SRSF3: variants seen among roughly 807,000 people sequenced by gnomAD.
SRSF3 encodes the protein serine/arginine-rich splicing factor 3.
For synonymous variants in SRSF3, 87 were observed against 73.6 expected (o/e 1.18, Z -0.93); for missense variants, 58 against 217.1 (o/e 0.27, Z 4.61).
chr6:36,595,943 G>C (rs1467258488), intron 1 of SRSF3, among the ~76,000 whole-genome samples: 5 of 150,998 alleles, frequency 3.3e-5, no homozygotes, highest in African/African-American at 1.2e-4. Flanking sequence ...TTTTTTTTTG[G>C]CGATGGAATC....
At chr6:36,595,478 A>G (rs1018147383) in intron 1 of SRSF3, among the ~76,000 whole-genome samples, 1 of 152,172 alleles carries the variant, frequency 6.6e-6, no homozygotes, top group African/African-American at 2.4e-5. Flanking sequence ...ACTACTACCC[A>G]TTGAGCACTT....
At chr6:36,597,578 A>G (rs1778651732) in intron 2 of SRSF3, among the ~76,000 whole-genome samples, 1 of 152,112 alleles carries the variant, frequency 6.6e-6, no homozygotes, top group Non-Finnish European at 1.5e-5. Flanking sequence ...CTGGCTGAGT[A>G]AGGCCTGAGT....
intron 1 of SRSF3, among the ~76,000 whole-genome samples, chr6:36,595,470 T>G (rs185411454): frequency 6.6e-6 from 1 of 152,336 alleles, no homozygotes; most frequent in East Asian, 1.9e-4. Flanking sequence ...CGCAGGAGAC[T>G]ACTACCCATT....
intron 3 of SRSF3, among the ~76,000 whole-genome samples, chr6:36,599,268 G>T (rs1391613995): frequency 6.6e-6 from 1 of 151,990 alleles, no homozygotes; most frequent in Non-Finnish European, 1.5e-5. Flanking sequence ...TTCAGTTTAG[G>T]CCTTTTTCCA....
At chr6:36,599,550 CAGT>C (rs1778685092) in intron 3 of SRSF3, 1 of 260,562 alleles carries the variant, frequency 3.8e-6, no homozygotes, top group Non-Finnish European at 7.8e-6. Flanking sequence ...TTGGACCAGG[CAGT>C]ATTGTCTGGG....
chr6:36,601,487 A>G, intron 4 of SRSF3: 4 of 571,254 alleles, frequency 7.0e-6, no homozygotes, highest in South Asian at 5.0e-5. Context: ...AGCTTGGACT[A>G]CAGGCAAGTA....
intron 1 of SRSF3, among the ~76,000 whole-genome samples, chr6:36,595,105 G>A (rs567686273): frequency 6.6e-6 from 1 of 152,186 alleles, no homozygotes; most frequent in Non-Finnish European, 1.5e-5. Flanking sequence ...ACGGCAAATA[G>A]GATGTGTCTG....
At chr6:36,595,331 T>G (rs1214399885) in intron 1 of SRSF3, among the ~76,000 whole-genome samples, 1 of 152,194 alleles carries the variant, frequency 6.6e-6, no homozygotes, top group East Asian at 1.9e-4. Flanking sequence ...TGCAGTAAAT[T>G]TTTTAGTAGC....
In SRSF3 at chr6:36,604,154, C is replaced by T. The variant is rs1050698261; in HGVS notation, c.*2165C>T. ...TCCTAAAATAACAGGTCACACTAAC[C>T]GGTCTTGTCCATATTCAGGGTTGAG... On this transcript the variant is annotated 3_prime_UTR_variant, in exon 6 of 6. Transcript: ENST00000373715. 10 of 222,244 alleles carry T rather than the reference C, an allele frequency of 4.5e-5. No homozygotes were observed. The highest frequency in any genetic ancestry group is 6.6e-5 in the East Asian group (1 of 15,200). 13.8% of individuals were successfully genotyped at this position (222,244 alleles called of 1,614,324 possible).
intron 1 of SRSF3, among the ~76,000 whole-genome samples, chr6:36,596,556 G>T (rs1268809962): frequency 9.4e-6 from 1 of 106,416 alleles, no homozygotes; most frequent in African/African-American, 3.6e-5. Context: ...TAGGAGTAAA[G>T]ATAATGGGGC....
chr6:36,600,032 G>A, intron 3 of SRSF3: 1 of 1,242,230 alleles, frequency 8.1e-7, no homozygotes, highest in Non-Finnish European at 1.0e-6. Context: ...CAAATCGGCA[G>A]CAGCCACCTC....
In SRSF3 at chr6:36,601,792, T is replaced by C; in HGVS notation, c.465T>C (p.Arg155=). ...HKPSRSFSRS[R]SRSRSNERK ...CGTCCCGATCCTTCTCTAGGTCTCG[T>C]AGGTAAGATCTTTGATAACTTGTAT... is the stretch of plus-strand genomic sequence containing the variant. The change falls in exon 5 of 6, where the codon CGT becomes CGC. Residue 155 remains arginine (R), a splice_region_variant and synonymous_variant. Coordinates refer to ENST00000373715, the MANE Select transcript of SRSF3 (RefSeq NM_003017.5). 1.9e-6 allele frequency: 3 copies of C among 1,608,580 alleles called. No homozygotes were observed. Among genetic ancestry groups the C allele is most frequent in the Non-Finnish European group, 1.7e-6 (2 of 1,175,504 alleles).
rs1006410137 is a variant in SRSF3 at position 36,605,548 on chromosome 6, C to G, written c.*3559C>G. The G allele has an allele frequency of 6.6e-6, 1 of 151,718 alleles. No homozygotes were observed. The highest frequency in any genetic ancestry group is 2.4e-5 in the African/African-American group (1 of 41,296). The allele number at this position is 151,718 out of a possible 1,614,324, so 9.4% of individuals were successfully genotyped here. On this transcript the variant is annotated 3_prime_UTR_variant, in exon 6 of 6. Transcript: ENST00000373715. ...GTATAATTGATTAGTTTTGTCCATGCAACTTTCCCCTTGTTGGACTCTGTA... is the reference window on the plus strand; with the variant it reads ...GTATAATTGATTAGTTTTGTCCATGGAACTTTCCCCTTGTTGGACTCTGTA...
Position 36,602,014 on chromosome 6 carries a change from G to A in SRSF3, c.*25G>A, listed in dbSNP as rs747244668. ...GAAGACAGTTTGCAAGAGAAGTGGT[G>A]TACAGGAAATTACTTCATTTGACAG... On this transcript the variant is annotated 3_prime_UTR_variant, in exon 6 of 6. Coordinates refer to ENST00000373715, the MANE Select transcript of SRSF3 (RefSeq NM_003017.5). 5 of 1,575,320 alleles carry A rather than the reference G, an allele frequency of 3.2e-6. No homozygotes were observed. Among genetic ancestry groups the A allele is most frequent in the East Asian group, 2.3e-5 (1 of 44,366 alleles).
At chr6:36,599,783 T>C in intron 3 of SRSF3, 1 of 1,332,108 alleles carries the variant, frequency 7.5e-7, no homozygotes, top group Non-Finnish European at 1.0e-6. Flanking sequence ...TTTTGTGCTT[T>C]TTGGTCCATC....
chr6:36,600,104 A>T, intron 3 of SRSF3: 1 of 1,150,214 alleles, frequency 8.7e-7, no homozygotes, highest in Non-Finnish European at 1.1e-6. Flanking sequence ...TCTTCACAAC[A>T]ACTACAGCAG....
At chr6:36,596,122 A>G (rs899299087) in intron 1 of SRSF3, among the ~76,000 whole-genome samples, 6 of 152,060 alleles carry the variant, frequency 3.9e-5, no homozygotes, top group Admixed American at 3.9e-4. Flanking sequence ...ACGGGGTTTC[A>G]CCATATTGGC....
intron 3 of SRSF3, chr6:36,599,718 TAA>T (rs1403752739): frequency 1.5e-4 from 134 of 897,728 alleles, no homozygotes; most frequent in African/African-American, 3.4e-5. Flanking sequence ...CCCATCATAA[TAA>T]AGAGTATTTG....
At chr6:36,601,441 GC>G (rs1778714695) in intron 4 of SRSF3, 6 of 571,746 alleles carry the variant, frequency 1.0e-5, no homozygotes, top group Non-Finnish European at 9.3e-6. Context: ...TTAACTCCTG[GC>G]CTTGGAGTGA....
Sources: gnomAD v4.1 joint callset for allele counts (sites outside exome capture counted in the v4.1 genomes callset) on GRCh38, gnomAD v4.1.1 for gene constraint, MANE v1.5 for transcripts, NCBI Gene and HGNC (gene_info 2026-07-23, HGNC 2026-07-21) for gene names.